The following PAQR6 variants were observed in gnomAD, a reference collection of about 807,000 sequenced individuals.
PAQR6 encodes progestin and adipoQ receptor family member 6, also known as membrane progestin receptor delta.
Under a neutral mutation model 36.2 loss-of-function variants are expected in PAQR6, and 34 were observed. That is an observed-to-expected ratio of 0.94 (90% CI 0.71 to 1.25). The LOEUF is 1.25. PAQR6 is among the 50% of genes most tolerant of loss of function. The pLI is 0.00. For missense variants in PAQR6, 431 were observed against 445.7 expected (o/e 0.97, Z 0.30); for synonymous variants, 190 against 190.7 (o/e 1.00, Z 0.03).
chr1:156,243,938 C>T lies in PAQR6; in HGVS notation c.*191G>A, dbSNP rs1659732724. 6.2e-7 allele frequency: 1 copy of T among 1,614,138 alleles called. No homozygotes were observed. Among genetic ancestry groups the T allele is most frequent in the Non-Finnish European group, 8.5e-7 (1 of 1,179,970 alleles). ...CTCCCATCAAGAGCCCCCTCACGGT[C>T]CCTCTCACACTCTGCCAGTCCCCCT... On this transcript the variant is annotated 3_prime_UTR_variant, in exon 8 of 8. Transcript: ENST00000292291.
chr1:156,246,771 G>A lies in PAQR6; in HGVS notation c.-25-15C>T. On this transcript the variant is annotated splice_polypyrimidine_tract_variant and intron_variant, in intron 1 of 7. Coordinates refer to ENST00000292291, the MANE Select transcript of PAQR6 (RefSeq NM_198406.3). Reference sequence around the variant, plus strand: ...TCCACGTTGACCTAGAGACAGAGTGGGAGGTAGGGGATCAGATAACTGCCC... The same window carrying A: ...TCCACGTTGACCTAGAGACAGAGTGAGAGGTAGGGGATCAGATAACTGCCC... 1 of 1,603,204 alleles carries A rather than the reference G, an allele frequency of 6.2e-7. No homozygotes were observed. The highest frequency in any genetic ancestry group is 8.5e-7 in the Non-Finnish European group (1 of 1,173,228).
Position 156,244,002 on chromosome 1 carries a change from T to C in PAQR6, c.*127A>G. 1.2e-6 allele frequency: 2 copies of C among 1,614,120 alleles called. No homozygotes were observed. The highest frequency in any genetic ancestry group is 1.7e-6 in the Non-Finnish European group (2 of 1,180,010). ...CTTCTCTGCCCTCTCTCCTGTGCCCTCTCTCCTCAGCCCCTGTTGGTTCCA... is the reference window on the plus strand; with the variant it reads ...CTTCTCTGCCCTCTCTCCTGTGCCCCCTCTCCTCAGCCCCTGTTGGTTCCA... On this transcript the variant is annotated 3_prime_UTR_variant, in exon 8 of 8. Coordinates refer to ENST00000292291, the MANE Select transcript of PAQR6 (RefSeq NM_198406.3).
chr1:156,245,730 C>A, intron 4 of PAQR6, 52 bp downstream of exon 4: 5 of 1,571,354 alleles, frequency 3.2e-6, no homozygotes, highest in Non-Finnish European at 4.3e-6. Flanking sequence ...TCCCACCCCT[C>A]GCCCCGCTCC....
In PAQR6 at chr1:156,245,792, G is replaced by A; in HGVS notation, c.375C>T (p.Leu125=). 8.1e-6 allele frequency: 13 copies of A among 1,599,048 alleles called. No individual in the cohort carries two copies. Among genetic ancestry groups the A allele is most frequent in the African/African-American group, 1.3e-5 (1 of 74,920 alleles). The change falls in exon 4 of 8, where the codon CTC becomes CTT. Residue 125 remains leucine, a synonymous_variant. Transcript: ENST00000292291. Reference sequence around the variant, plus strand: ...GCCTGTCCGGCTCACCCAGACTGTAGAGGCTGAGCGCGCCGTAGTCGAGGA... The same window carrying A: ...GCCTGTCCGGCTCACCCAGACTGTAAAGGCTGAGCGCGCCGTAGTCGAGGA... The part of the protein sequence containing the change: ...CYFLDYGALS[L]YSLGCAFPYA...
At position 156,245,559 on chromosome 1, in the gene PAQR6, C is replaced by A; in HGVS notation, c.488G>T (p.Cys163Phe). Reference protein sequence around the residue: ...VPAAALNSFLCTGLSCYSRFL... With the variant: ...VPAAALNSFLFTGLSCYSRFL... ...CCGGGAGTAGCAGGAGAGGCCGGTG[C>A]ACAGGAAGGAGTTGAGTGCGGCGGC... Residue 163 changes from cysteine (C) to phenylalanine (F), a missense_variant, in exon 5 of 8, where the codon TGC becomes TTC. By Grantham distance (205) the Cys-to-Phe change is radical (BLOSUM62 -2). Transcript: ENST00000292291. 1 of 1,612,348 alleles carries A rather than the reference C, an allele frequency of 6.2e-7. No individual in the cohort carries two copies. The highest frequency in any genetic ancestry group is 2.0e-4 in the Middle Eastern group (1 of 5,128).
At position 156,245,813 on chromosome 1, in the gene PAQR6, G is replaced by A. The variant is rs11552750; in HGVS notation, c.354C>T (p.Leu118=). ...SPRMRHICYF[L]DYGALSLYSL... ...TGTAGAGGCTGAGCGCGCCGTAGTC[G>A]AGGAAGTAGCAGATGTGGCGCATGC... Residue 118 remains leucine, a synonymous_variant, in exon 4 of 8, where the codon CTC becomes CTT. Coordinates refer to ENST00000292291, the MANE Select transcript of PAQR6 (RefSeq NM_198406.3). 25 of 1,605,072 alleles carry A rather than the reference G, an allele frequency of 1.6e-5. No homozygotes were observed. Among genetic ancestry groups the A allele is most frequent in the Non-Finnish European group, 2.1e-5 (25 of 1,176,338 alleles).
chr1:156,243,337 G>A lies in PAQR6; in HGVS notation c.*792C>T. On this transcript the variant is annotated 3_prime_UTR_variant, in exon 8 of 8. Transcript: ENST00000292291. ...GAGGAATCTGTGGGCCTGTGAGTCT[G>A]TCCAGTTTATGGAGTGTGGGAGGGA... 8.7e-7 allele frequency: 1 copy of A among 1,143,396 alleles called. No individual in the cohort carries two copies. The highest frequency in any genetic ancestry group is 1.2e-6 in the Non-Finnish European group (1 of 825,742). The allele number at this position is 1,143,396 out of a possible 1,614,324, so 70.8% of individuals were successfully genotyped here.
At position 156,243,877 on chromosome 1, in the gene PAQR6, T is replaced by C. The variant is rs1446626591; in HGVS notation, c.*252A>G. ...GGGGCATCTTCAGCCTGGACACGCA[T>C]GCATCTCCCCTCTCAGACCCTCAGC... is the stretch of plus-strand genomic sequence containing the variant. On this transcript the variant is annotated 3_prime_UTR_variant, in exon 8 of 8. Coordinates refer to ENST00000292291, the MANE Select transcript of PAQR6 (RefSeq NM_198406.3). The C allele has an allele frequency of 1.2e-6, 2 of 1,603,212 alleles. No homozygotes were observed. The highest frequency in any genetic ancestry group is 1.7e-6 in the Non-Finnish European group (2 of 1,171,748).
At position 156,246,118 on chromosome 1, in the gene PAQR6, C is replaced by A. The variant is rs780659885; in HGVS notation, c.179+5G>T. On this transcript the variant is annotated splice_donor_5th_base_variant and intron_variant, in intron 3 of 7. Transcript: ENST00000292291. ...GCCGCGGCCTGGGGCGGAGCCTCCC[C>A]TCACCAGGTGGGCAGGAAGTGAGTC... 1.1e-5 allele frequency: 18 copies of A among 1,611,480 alleles called. No individual in the cohort carries two copies. Among genetic ancestry groups the A allele is most frequent in the Non-Finnish European group, 1.5e-5 (18 of 1,180,006 alleles).
intron 5 of PAQR6, 99 bp downstream of exon 5, chr1:156,245,436 A>AT: frequency 1.3e-6 from 2 of 1,536,576 alleles, no homozygotes; most frequent in Non-Finnish European, 1.8e-6. Flanking sequence ...TCCTCAGTAC[A>AT]TGGTCCCGAT....
At position 156,246,268 on chromosome 1, in the gene PAQR6, G is replaced by T; in HGVS notation, c.52-18C>A. The T allele has an allele frequency of 6.3e-7, 1 of 1,592,718 alleles. No individual in the cohort carries two copies. The highest frequency in any genetic ancestry group is 1.1e-5 in the South Asian group (1 of 90,172). On this transcript the variant is annotated intron_variant, in intron 2 of 7. Coordinates refer to ENST00000292291, the MANE Select transcript of PAQR6 (RefSeq NM_198406.3). ...CAGAACACCTAGGGTAGTGGTGGGA[G>T]AGGAAGGGCGTCACTGTGCCCGGAC...
rs539016156 is a variant in PAQR6 at position 156,245,331 on chromosome 1, A to AT, written c.513-94_513-93insA. 58 of 1,394,846 alleles carry AT rather than the reference A, an allele frequency of 4.2e-5. No individual in the cohort carries two copies. In the Admixed American group the frequency reaches 7.6e-4, roughly 18 times the overall value. 86.4% of individuals were successfully genotyped at this position (1,394,846 alleles called of 1,614,324 possible). On this transcript the variant is annotated intron_variant, in intron 5 of 7. Transcript: ENST00000292291. ...AGGACTTGGGCAAAGATGGAATATC[A>AT]GCACAGCCTGCAGCTAAGAAAACCG...
chr1:156,245,985 T>C lies in PAQR6; in HGVS notation c.182A>G (p.Tyr61Cys), dbSNP rs779436661. 1.9e-6 allele frequency: 3 copies of C among 1,555,884 alleles called. No individual in the cohort carries two copies. Among genetic ancestry groups the C allele is most frequent in the African/African-American group, 2.7e-5 (2 of 73,974 alleles). ...CAGCGCCAGGAGCCGCCACAGGAAGTACCTGCGGCGGGCGCGTGCTCAGGC... is the reference window on the plus strand; with the variant it reads ...CAGCGCCAGGAGCCGCCACAGGAAGCACCTGCGGCGGGCGCGTGCTCAGGC... ...NIWTHFLPTW[Y>C]FLWRLLALAG... The change falls in exon 4 of 8, where the codon TAC (tyrosine) becomes TGC (cysteine). Residue 61 changes from tyrosine (Y) to cysteine (C), a missense_variant and splice_region_variant. Transcript: ENST00000292291.
At position 156,245,850 on chromosome 1, in the gene PAQR6, G is replaced by C; in HGVS notation, c.317C>G (p.Ser106Cys). The C allele has an allele frequency of 6.2e-7, 1 of 1,606,016 alleles. No homozygotes were observed. Among genetic ancestry groups the C allele is most frequent in the Non-Finnish European group, 8.5e-7 (1 of 1,176,936 alleles). Residue 106 changes from serine (S) to cysteine (C), a missense_variant, in exon 4 of 8, where the codon TCC becomes TGC. Coordinates refer to ENST00000292291, the MANE Select transcript of PAQR6 (RefSeq NM_198406.3). Reference sequence around the variant, plus strand: ...GATGTGGCGCATGCGGGGCGACATGGAGCTGAAGGTGTGCGCGCAGCACGA... The same window carrying C: ...GATGTGGCGCATGCGGGGCGACATGCAGCTGAAGGTGTGCGCGCAGCACGA... ...FASCCAHTFS[S>C]MSPRMRHICY... is the part of the protein sequence containing the mutation.
At position 156,244,012 on chromosome 1, in the gene PAQR6, G is replaced by A; in HGVS notation, c.*117C>T. 1 of 1,614,066 alleles carries A rather than the reference G, an allele frequency of 6.2e-7. No homozygotes were observed. The highest frequency in any genetic ancestry group is 8.5e-7 in the Non-Finnish European group (1 of 1,179,996). The stretch of plus-strand genomic sequence containing the variant: ...CTCTCTCCTGTGCCCTCTCTCCTCA[G>A]CCCCTGTTGGTTCCAGGCTGAGATG... On this transcript the variant is annotated 3_prime_UTR_variant, in exon 8 of 8. Coordinates refer to ENST00000292291, the MANE Select transcript of PAQR6 (RefSeq NM_198406.3).
At position 156,245,643 on chromosome 1, in the gene PAQR6, G is replaced by A. The variant is rs923529123; in HGVS notation, c.404C>T (p.Ala135Val). ...CCAGGAGGCCGGCATGGAGTAGGCG[G>A]CATAGGGGAAGGCGCAGCCTGCGGT... ...LYSLGCAFPY[A>V]AYSMPASWLH... The change falls in exon 5 of 8, where the codon GCC (alanine) becomes GTC (valine). Residue 135 changes from alanine (A) to valine (V), a missense_variant. Physicochemically the swap from Ala to Val is moderately conservative, Grantham distance 64. Coordinates refer to ENST00000292291, the MANE Select transcript of PAQR6 (RefSeq NM_198406.3). 6.2e-7 allele frequency: 1 copy of A among 1,613,166 alleles called. No homozygotes were observed. The highest frequency in any genetic ancestry group is 1.1e-5 in the South Asian group (1 of 91,052).
chr1:156,245,513 C>T (rs1458180435), intron 5 of PAQR6, 22 bp downstream of exon 5: 9 of 1,611,412 alleles, frequency 5.6e-6, no homozygotes, highest in African/African-American at 1.3e-5. Flanking sequence ...CCCGTCCCCA[C>T]TGGAGGGGCC....
chr1:156,244,048 T>A lies in PAQR6; in HGVS notation c.*81A>T. 1 of 1,614,042 alleles carries A rather than the reference T, an allele frequency of 6.2e-7. No individual in the cohort carries two copies. The highest frequency in any genetic ancestry group is 1.1e-5 in the South Asian group (1 of 91,076). ...TTCCAGGCTGAGATGCGTCCCCACC[T>A]GATTAGGCCCAAATCTGGGCTCCTC... On this transcript the variant is annotated 3_prime_UTR_variant, in exon 8 of 8. Coordinates refer to ENST00000292291, the MANE Select transcript of PAQR6 (RefSeq NM_198406.3).
At position 156,243,567 on chromosome 1, in the gene PAQR6, T is replaced by G. The variant is rs1659648817; in HGVS notation, c.*562A>C. The G allele has an allele frequency of 6.2e-6, 3 of 480,720 alleles. No individual in the cohort carries two copies. The highest frequency in any genetic ancestry group is 1.1e-5 in the Non-Finnish European group (3 of 273,508). The allele number at this position is 480,720 out of a possible 1,614,324, so 29.8% of individuals were successfully genotyped here. A position where few individuals can be genotyped will look rare whatever the true frequency, so the allele number is the denominator to read the frequency against. On this transcript the variant is annotated 3_prime_UTR_variant, in exon 8 of 8. Transcript: ENST00000292291. ...CCAAACCATCCATAATGCACCCAGA[T>G]AGGCCCACCCCCAAAAGCCTGGACA...
Sources: gnomAD v4.1 joint callset for allele counts on GRCh38, gnomAD v4.1.1 for gene constraint, MANE v1.5 for transcripts, NCBI Gene and HGNC (gene_info 2026-07-23, HGNC 2026-07-21) for gene names.